Variants in RBFOX1 observed in about 807,000 individuals in gnomAD.
RBFOX1 encodes the protein RNA binding fox-1 homolog 1.
A neutral mutation model predicts 57.7 loss-of-function variants in RBFOX1; 8 were observed. The ratio of observed to expected loss-of-function variants is 0.14; its 90% CI spans 0.08 to 0.25. RBFOX1 has a LOEUF of 0.25. Among genes scored for constraint, RBFOX1 ranks in the 10% least tolerant of loss-of-function variants. RBFOX1 has a pLI of 1.00. For missense variants in RBFOX1, 611 were observed against 548.5 expected (o/e 1.11, Z -1.14); for synonymous variants, 326 against 222.4 (o/e 1.47, Z -4.15).
At chr16:5,359,369 T>C (rs1380872045) in intron 1 of RBFOX1, among the ~76,000 whole-genome samples, 1 of 152,218 alleles carries the variant, frequency 6.6e-6, no homozygotes, top group Non-Finnish European at 1.5e-5. Context: ...GCTCCACTTT[T>C]AGTTTTCTGA....
At chr16:6,331,916 C>T (rs909503222) in intron 2 of RBFOX1, among the ~76,000 whole-genome samples, 1 of 151,994 alleles carries the variant, frequency 6.6e-6, no homozygotes, top group African/African-American at 2.4e-5. Flanking sequence ...AGGATGACAC[C>T]ATTTGTTTCA....
chr16:5,265,211 C>G (rs1369342192), intron 1 of RBFOX1, among the ~76,000 whole-genome samples: 1 of 152,104 alleles, frequency 6.6e-6, no homozygotes, highest in African/African-American at 2.4e-5. Flanking sequence ...TCCTAACACC[C>G]CTTTATAGGA....
chr16:5,464,055 A>G (rs774775606), intron 1 of RBFOX1, among the ~76,000 whole-genome samples: 21 of 152,124 alleles, frequency 1.4e-4, no homozygotes, highest in Non-Finnish European at 2.6e-4. Flanking sequence ...GGAGGAGGGA[A>G]TCAGGAGGTG....
In RBFOX1 at chr16:7,524,047, C is replaced by A. The variant is rs191893390; in HGVS notation, c.270+5658C>A. Among the ~76,000 whole-genome samples the A allele has an allele frequency of 3.8e-3, 582 of 152,272 alleles. 2 individuals carry two copies. Among genetic ancestry groups the A allele is most frequent in the Non-Finnish European group, 5.1e-3 (346 of 68,020 alleles). On this transcript the variant is annotated intron_variant, in intron 5 of 15. Transcript: ENST00000550418. ...TATTGTGAGATACCTAGGTCATTCC[C>A]CATAGGATAGTGCTGTACCTGGAAT...
chr16:6,529,572 A>T (rs2096628107), intron 2 of RBFOX1, among the ~76,000 whole-genome samples: 1 of 90,762 alleles, frequency 1.1e-5, no homozygotes, highest in Non-Finnish European at 2.5e-5. Context: ...AATAATAATT[A>T]TTATTAATAA....
At chr16:5,982,713 C>T (rs1234743161) in intron 4 of RBFOX1, among the ~76,000 whole-genome samples, 3 of 151,888 alleles carry the variant, frequency 2.0e-5, no homozygotes, top group Admixed American at 6.5e-5. Context: ...TAATAAGCAG[C>T]CCCCTTGTCA....
chr16:7,079,462 C>A (rs934390836), intron 4 of RBFOX1, among the ~76,000 whole-genome samples: 1 of 152,192 alleles, frequency 6.6e-6, no homozygotes, highest in Non-Finnish European at 1.5e-5. Flanking sequence ...TTTTGTCATG[C>A]AGCACAAGCA....
chr16:5,331,625 C>T (rs1305581333), intron 1 of RBFOX1, among the ~76,000 whole-genome samples: 1 of 152,190 alleles, frequency 6.6e-6, no homozygotes, highest in Non-Finnish European at 1.5e-5. Flanking sequence ...CATGGCCAAA[C>T]AAAAATCAAA....
At chr16:6,835,753 A>T (rs1274647306) in intron 3 of RBFOX1, among the ~76,000 whole-genome samples, 39 of 684 alleles carry the variant, frequency 0.057, no homozygotes, top group South Asian at 0.38. Context: ...GACTCTGCTT[A>T]AAAAAAAAAA....
chr16:6,894,907 C>A (rs1596422273), intron 3 of RBFOX1, among the ~76,000 whole-genome samples: 2 of 152,076 alleles, frequency 1.3e-5, no homozygotes, highest in Admixed American at 1.3e-4. Context: ...GCTTTCTCAG[C>A]TAAAATTAAA....
intron 3 of RBFOX1, among the ~76,000 whole-genome samples, chr16:5,829,320 A>T (rs1030274683): frequency 6.6e-6 from 1 of 152,208 alleles, no homozygotes; most frequent in East Asian, 1.9e-4. Flanking sequence ...GGGGAGTCAC[A>T]TGATGAGCTA....
At chr16:6,977,542 C>T (rs74010412) in intron 3 of RBFOX1, among the ~76,000 whole-genome samples, 3 of 151,976 alleles carry the variant, frequency 2.0e-5, no homozygotes, top group Non-Finnish European at 4.4e-5. Context: ...CACTGTAGTT[C>T]GAAGACCTCT....
At chr16:5,813,008 CT>C (rs565304481) in intron 3 of RBFOX1, among the ~76,000 whole-genome samples, 2,743 of 135,856 alleles carry the variant, frequency 0.02, 58 homozygotes, top group African/African-American at 0.06. Context: ...CCTTTAACCA[CT>C]TTTTTTTTTT....
At chr16:5,833,437 G>A (rs755606218) in intron 3 of RBFOX1, among the ~76,000 whole-genome samples, 13 of 150,154 alleles carry the variant, frequency 8.7e-5, no homozygotes, top group Admixed American at 1.3e-4. Context: ...GGAGCTTGCC[G>A]TGAGCCAAGA....
chr16:6,511,050 A>G (rs2096246218), intron 2 of RBFOX1, among the ~76,000 whole-genome samples: 1 of 152,154 alleles, frequency 6.6e-6, no homozygotes, highest in African/African-American at 2.4e-5. Flanking sequence ...AGCAACATTG[A>G]GGTTGCAAGC....
chr16:5,594,442 C>T (rs566741393), intron 2 of RBFOX1, among the ~76,000 whole-genome samples: 3 of 152,034 alleles, frequency 2.0e-5, no homozygotes, highest in Admixed American at 1.3e-4. Context: ...CTGACGACAT[C>T]TGCCCAAGGT....
intron 3 of RBFOX1, among the ~76,000 whole-genome samples, chr16:6,839,649 T>G (rs1401671331): frequency 6.6e-6 from 1 of 152,190 alleles, no homozygotes; most frequent in African/African-American, 2.4e-5. Flanking sequence ...ACACACAGCC[T>G]GTGTTTTTGC....
chr16:7,354,091 C>G (rs1468345015), intron 4 of RBFOX1, among the ~76,000 whole-genome samples: 1 of 152,142 alleles, frequency 6.6e-6, no homozygotes, highest in Non-Finnish European at 1.5e-5. Context: ...CCTGCCTCAG[C>G]CTCCTGAGTA....
At chr16:7,120,405 A>G (rs933055363) in intron 4 of RBFOX1, among the ~76,000 whole-genome samples, 6 of 152,074 alleles carry the variant, frequency 3.9e-5, no homozygotes, top group African/African-American at 1.4e-4. Flanking sequence ...TTCAAAGCAT[A>G]GAAGTGATGA....
Sources: gnomAD v4.1 joint callset for allele counts (sites outside exome capture counted in the v4.1 genomes callset) on GRCh38, gnomAD v4.1.1 for gene constraint, MANE v1.5 for transcripts, NCBI Gene and HGNC (gene_info 2026-07-23, HGNC 2026-07-21) for gene names.